The following USP18 variants were observed in gnomAD, a reference collection of about 807,000 sequenced individuals.
USP18 encodes ubl carboxyl-terminal hydrolase 18.
USP18 carries 11 observed loss-of-function variants against 48.7 expected under a neutral mutation model. The observed-to-expected ratio is 0.23, with a 90% CI of 0.14 to 0.37. The LOEUF (loss-of-function observed/expected upper bound fraction) is 0.37. Among genes scored for constraint, USP18 ranks in the 10% least tolerant of loss-of-function variants. USP18 has a pLI of 1.00. For missense variants in USP18, 285 were observed against 436.4 expected, an observed-to-expected ratio of 0.65 and a Z score of 3.09; for synonymous variants, 114 against 163.2, an observed-to-expected ratio of 0.70 and a Z score of 2.30.
chr22:18,152,331 G>T (rs1049225419), intron 1 of USP18, among the ~76,000 whole-genome samples: 10 of 152,138 alleles, frequency 6.6e-5, no homozygotes, highest in Admixed American at 6.5e-4. Context: ...CTCTTCTGGG[G>T]CTTCTCTGAG....
At chr22:18,163,503 C>T (rs555885269) in intron 4 of USP18, among the ~76,000 whole-genome samples, 7 of 151,866 alleles carry the variant, frequency 4.6e-5, no homozygotes, top group African/African-American at 1.2e-4. Context: ...ATTAGCTGGG[C>T]GTGGTGGCGG....
At chr22:18,166,044 A>AT (rs959448694) in intron 4 of USP18, among the ~76,000 whole-genome samples, 13 of 151,548 alleles carry the variant, frequency 8.6e-5, no homozygotes, top group East Asian at 3.9e-4. Flanking sequence ...TTTGTATCAC[A>AT]TTTTTTTTTG....
chr22:18,167,959 G>C lies in USP18; in HGVS notation c.550G>C (p.Glu184Gln), dbSNP rs796954207. The C allele has an allele frequency of 1.2e-6, 2 of 1,614,098 alleles. No individual in the cohort carries two copies. The highest frequency in any genetic ancestry group is 2.2e-5 in the South Asian group (2 of 91,076). Residue 184 changes from glutamate to glutamine, a missense_variant, in exon 6 of 11, where the codon GAG becomes CAG. Physicochemically the swap from Glu to Gln is conservative, Grantham distance 29. Around this residue, in one of 5 missense-constraint regions of USP18, gnomAD observed 199 missense variants for 239.6 expected, o/e 0.83. Transcript: ENST00000215794. Reference sequence around the variant, plus strand: ...CTTGATTTGCGTTGACTGTGCCATGGAGAGTAGCAGAAACAGCAGCATGCT... The same window carrying C: ...CTTGATTTGCGTTGACTGTGCCATGCAGAGTAGCAGAAACAGCAGCATGCT... Reference protein sequence around the residue: ...DSLICVDCAMESSRNSSMLTL... With the variant: ...DSLICVDCAMQSSRNSSMLTL...
chr22:18,157,436 A>G (rs2252264), intron 1 of USP18, 122 bp from the exon 2 acceptor site: 65,821 of 540,170 alleles, frequency 0.12, 9,768 homozygotes, highest in East Asian at 0.59. Context: ...CTAGAGCTCT[A>G]TGAGTCAGTC....
At chr22:18,157,391 G>A (rs1164491139) in intron 1 of USP18, among the ~76,000 whole-genome samples, 167 bp from the exon 2 acceptor site, 1 of 152,202 alleles carries the variant, frequency 6.6e-6, no homozygotes, top group East Asian at 1.9e-4. Context: ...TGGGACCCAG[G>A]TTAGGGGATG....
chr22:18,154,794 G>T (rs528331672), intron 1 of USP18, among the ~76,000 whole-genome samples: 16 of 152,264 alleles, frequency 1.1e-4, no homozygotes, highest in South Asian at 2.1e-4. Context: ...TTCATTTGGT[G>T]ATGTCATGTT....
At chr22:18,171,896 T>C (rs1360556621) in intron 8 of USP18, among the ~76,000 whole-genome samples, 3 of 152,108 alleles carry the variant, frequency 2.0e-5, no homozygotes. Context: ...AGGATTCTCT[T>C]TTTCTTTCCT....
At chr22:18,167,435 C>G in intron 5 of USP18, 101 bp downstream of exon 5, 1 of 1,364,330 alleles carries the variant, frequency 7.3e-7, no homozygotes, top group Non-Finnish European at 1.0e-6. Context: ...AAGAGTTAAT[C>G]CCCTGTAATC....
intron 1 of USP18, among the ~76,000 whole-genome samples, chr22:18,151,110 AG>A (rs11334784): frequency 0.38 from 57,166 of 151,794 alleles, 11,888 homozygotes; most frequent in African/African-American, 0.56. Context: ...AATTCCTAGA[AG>A]TGGAATGGCT....
At position 18,167,898 on chromosome 22, in the gene USP18, A is replaced by T; in HGVS notation, c.489A>T (p.Arg163Ser). Reference protein sequence around the residue: ...DQITDVHLVERLQALYTIRVK... With the variant: ...DQITDVHLVESLQALYTIRVK... The stretch of plus-strand genomic sequence containing the variant: ...CGCTCTCCCTCTTGCAGGTGGAGAG[A>T]CTGCAGGCCCTGTATACGATCCGGG... The change falls in exon 6 of 11, where the codon AGA becomes AGT. Residue 163 changes from arginine to serine, a missense_variant. Arg to Ser is a moderately radical substitution (Grantham distance 110, BLOSUM62 -1). This residue lies in a region of USP18 where 199 missense variants were observed against 239.6 expected (regional missense o/e 0.83). Coordinates refer to ENST00000215794, the MANE Select transcript of USP18 (RefSeq NM_017414.4). 1.2e-6 allele frequency: 2 copies of T among 1,613,144 alleles called. No individual in the cohort carries two copies. Among genetic ancestry groups the T allele is most frequent in the Non-Finnish European group, 1.7e-6 (2 of 1,179,494 alleles).
intron 4 of USP18, 144 bp downstream of exon 4, chr22:18,162,079 G>A: frequency 1.1e-6 from 1 of 911,166 alleles, no homozygotes; most frequent in South Asian, 2.1e-5. Flanking sequence ...AGACATTTGT[G>A]TAAGAGGCAC....
intron 1 of USP18, among the ~76,000 whole-genome samples, chr22:18,156,780 A>T (rs1267304984): frequency 6.6e-6 from 1 of 152,238 alleles, no homozygotes; most frequent in Non-Finnish European, 1.5e-5. Context: ...AACTGCGGAC[A>T]TGCCCCCTTT....
intron 1 of USP18, among the ~76,000 whole-genome samples, chr22:18,155,864 G>A (rs937518763): frequency 2.6e-5 from 4 of 152,362 alleles, no homozygotes; most frequent in Non-Finnish European, 5.9e-5. Context: ...CAAGGGCTGA[G>A]GAGTGCGGGC....
At chr22:18,153,639 CAACATGCTATG>C (rs1364782783) in intron 1 of USP18, among the ~76,000 whole-genome samples, 1 of 151,934 alleles carries the variant, frequency 6.6e-6, no homozygotes, top group Non-Finnish European at 1.5e-5. Context: ...TTTATTTAGG[CAACATGCTATG>C]TTGCCTAGAC....
chr22:18,157,480 C>G (rs1929192828), intron 1 of USP18, 78 bp from the exon 2 acceptor site: 1 of 750,630 alleles, frequency 1.3e-6, no homozygotes, highest in Non-Finnish European at 2.2e-6. Context: ...AAGACCTGCT[C>G]TTTGGCATCA....
At chr22:18,157,235 A>G (rs1219656995) in intron 1 of USP18, among the ~76,000 whole-genome samples, 2 of 152,146 alleles carry the variant, frequency 1.3e-5, no homozygotes, top group African/African-American at 2.4e-5. Context: ...AGGGGCTGAG[A>G]GTTCTTGCTT....
At chr22:18,162,966 T>A (rs1929369532) in intron 4 of USP18, among the ~76,000 whole-genome samples, 1 of 151,318 alleles carries the variant, frequency 6.6e-6, no homozygotes, top group Non-Finnish European at 1.5e-5. Flanking sequence ...TCACTCTTTT[T>A]CATTCTTTTT....
intron 1 of USP18, among the ~76,000 whole-genome samples, chr22:18,155,506 C>T (rs1460068575): frequency 1.3e-5 from 2 of 152,186 alleles, no homozygotes; most frequent in African/African-American, 4.8e-5. Flanking sequence ...GCTCCCTTAG[C>T]TTGCGGGGAG....
intron 10 of USP18, among the ~76,000 whole-genome samples, chr22:18,174,291 T>A (rs1187921885): frequency 1.3e-5 from 2 of 150,702 alleles, no homozygotes; most frequent in Non-Finnish European, 3.0e-5. Flanking sequence ...AGTGGCACAA[T>A]CTTGGCTACT....
Sources: allele counts gnomAD v4.1 joint callset (sites outside exome capture counted in the v4.1 genomes callset), GRCh38; gene constraint gnomAD v4.1.1; regional missense constraint gnomAD v4.1.1; transcripts MANE v1.5; gene names NCBI Gene and HGNC (gene_info 2026-07-23, HGNC 2026-07-21).